The following SLCO1B3 variants were observed in gnomAD, a reference collection of about 807,000 sequenced individuals.
SLCO1B3 encodes solute carrier organic anion transporter family member 1B3, also known as liver-specific organic anion transporter 2.
A neutral mutation model predicts 71.8 loss-of-function variants in SLCO1B3; 72 were observed. That is an observed-to-expected ratio of 1.00 (90% CI 0.83 to 1.22). The LOEUF is 1.22. Among genes scored for constraint, SLCO1B3 ranks in the 50% most tolerant of loss-of-function variants. The pLI is 0.00. For synonymous variants in SLCO1B3, 298 were observed against 278.4 expected, an observed-to-expected ratio of 1.07 and a Z score of -0.70; for missense variants, 911 against 819.7, an observed-to-expected ratio of 1.11 and a Z score of -1.36.
In SLCO1B3 at chr12:20,883,514, A is replaced by G. The variant is rs1291166393; in HGVS notation, c.1594A>G (p.Arg532Gly). Residue 532 changes from arginine to glycine, a missense_variant, in exon 13 of 16, where the codon AGG (arginine) becomes GGG (glycine). Physicochemically the swap from Arg to Gly is moderately radical, Grantham distance 125 (BLOSUM62 -2). Transcript: ENST00000381545. ...ATGCCCAAGAGATAATACTTGTACAAGGAAATTTTTCATCTATGTTGCAAT... is the reference window on the plus strand; with the variant it reads ...ATGCCCAAGAGATAATACTTGTACAGGGAAATTTTTCATCTATGTTGCAAT... Reference protein sequence around the residue: ...GECPRDNTCTRKFFIYVAIQV... With the variant: ...GECPRDNTCTGKFFIYVAIQV... The G allele has an allele frequency of 8.1e-6, 13 of 1,605,600 alleles. No homozygotes were observed. The highest frequency in any genetic ancestry group is 1.1e-5 in the Non-Finnish European group (13 of 1,176,570).
At chr12:20,901,225 A>T (rs543671444) in intron 14 of SLCO1B3, 125 bp from the exon 15 acceptor site, 1 of 680,248 alleles carries the variant, frequency 1.5e-6, no homozygotes, top group African/African-American at 1.8e-5. Flanking sequence ...ATGTAAGCCA[A>T]ACCAATGGAA....
At chr12:20,820,316 G>A (rs1054871245) in intron 3 of SLCO1B3, among the ~76,000 whole-genome samples, 1 of 152,188 alleles carries the variant, frequency 6.6e-6, no homozygotes, top group Non-Finnish European at 1.5e-5. Flanking sequence ...AGAGCCTTGG[G>A]CCAGAGTTCC....
intron 6 of SLCO1B3, 98 bp downstream of exon 6, chr12:20,861,236 C>T (rs550291955): frequency 4.7e-5 from 51 of 1,079,782 alleles, no homozygotes; most frequent in Non-Finnish European, 6.4e-5. Flanking sequence ...GATTTAAGAA[C>T]AAATAGGAAG....
chr12:20,901,330 CTT>C lies in SLCO1B3; in HGVS notation c.1748-16_1748-15del, dbSNP rs1273566878. On this transcript the variant is annotated intron_variant, in intron 14 of 15. Transcript: ENST00000381545. ...TGAAGCATTTCACTTGGATTGATATCTTTTTATCTCATGTTGCAGGAGGAATT... is the reference window on the plus strand; with the variant it reads ...TGAAGCATTTCACTTGGATTGATATCTTTATCTCATGTTGCAGGAGGAATT... 1 of 1,370,264 alleles carries C rather than the reference CTT, an allele frequency of 7.3e-7. No individual in the cohort carries two copies. Among genetic ancestry groups the C allele is most frequent in the East Asian group, 2.4e-5 (1 of 41,510 alleles). The allele number at this position is 1,370,264 out of a possible 1,614,324, so 84.9% of individuals were successfully genotyped here.
chr12:20,911,406 TTTC>T (rs1866372765), intron 15 of SLCO1B3, among the ~76,000 whole-genome samples: 1 of 152,152 alleles, frequency 6.6e-6, no homozygotes, highest in African/African-American at 2.4e-5. Flanking sequence ...GTAGTTTTCT[TTTC>T]TTGTAATGTT....
chr12:20,910,433 AG>A (rs1866349956), intron 15 of SLCO1B3, among the ~76,000 whole-genome samples: 1 of 152,172 alleles, frequency 6.6e-6, no homozygotes, highest in African/African-American at 2.4e-5. Flanking sequence ...TTGGCTATTT[AG>A]CATCTTTTGC....
In SLCO1B3 at chr12:20,865,999, A is replaced by G. The variant is rs549696707; in HGVS notation, c.727+3145A>G. Among the ~76,000 whole-genome samples, 18 of 152,246 alleles carry G rather than the reference A, an allele frequency of 1.2e-4. No homozygotes were observed. In the South Asian group the frequency reaches 3.5e-3, roughly 30 times the overall value. On this transcript the variant is annotated intron_variant, in intron 8 of 15. Transcript: ENST00000381545. ...ATGCCATGTGTCATTCATCATCTCC[A>G]TATGAGTAGTTTTCATCACTCTCCA...
At chr12:20,829,794 A>C (rs1405497481) in intron 3 of SLCO1B3, among the ~76,000 whole-genome samples, 2 of 152,196 alleles carry the variant, frequency 1.3e-5, no homozygotes, top group Non-Finnish European at 2.9e-5. Flanking sequence ...TATGCTAAAC[A>C]AGGGGTGGAT....
chr12:20,856,419 A>G (rs1394627178), intron 4 of SLCO1B3, among the ~76,000 whole-genome samples: 2 of 152,320 alleles, frequency 1.3e-5, no homozygotes, highest in Non-Finnish European at 2.9e-5. Context: ...TATTAATAAA[A>G]ATGATGCGAA....
chr12:20,884,737 G>A (rs1214203058), intron 13 of SLCO1B3, among the ~76,000 whole-genome samples: 5 of 151,636 alleles, frequency 3.3e-5, no homozygotes, highest in Admixed American at 1.3e-4. Context: ...CTAGTTGATC[G>A]GAAGTTCATG....
At chr12:20,850,724 T>A (rs983325674) in intron 3 of SLCO1B3, among the ~76,000 whole-genome samples, 2 of 152,246 alleles carry the variant, frequency 1.3e-5, no homozygotes, top group Non-Finnish European at 2.9e-5. Context: ...GTACTTAATT[T>A]TTTGTTCACA....
chr12:20,899,434 G>T (rs1866082750), intron 14 of SLCO1B3, among the ~76,000 whole-genome samples: 1 of 152,130 alleles, frequency 6.6e-6, no homozygotes, highest in African/African-American at 2.4e-5. Flanking sequence ...TGGGACCCTT[G>T]CAAGGAAAGG....
At chr12:20,836,227 G>A (rs919982322) in intron 3 of SLCO1B3, among the ~76,000 whole-genome samples, 4 of 152,102 alleles carry the variant, frequency 2.6e-5, no homozygotes, top group African/African-American at 9.7e-5. Flanking sequence ...TTTCAGTGGG[G>A]ACGCAGCCAA....
At chr12:20,911,455 T>C (rs923387010) in intron 15 of SLCO1B3, among the ~76,000 whole-genome samples, 4 of 152,144 alleles carry the variant, frequency 2.6e-5, no homozygotes, top group Non-Finnish European at 4.4e-5. Context: ...GCTGACCTCA[T>C]AGGAGACAGG....
At chr12:20,849,457 G>T (rs1294934453) in intron 3 of SLCO1B3, among the ~76,000 whole-genome samples, 2 of 152,012 alleles carry the variant, frequency 1.3e-5, no homozygotes, top group Admixed American at 1.3e-4. Flanking sequence ...ATTTGATATT[G>T]AAAGACTGAA....
At chr12:20,869,080 C>G (rs35757085) in intron 8 of SLCO1B3, among the ~76,000 whole-genome samples, 1 of 152,096 alleles carries the variant, frequency 6.6e-6, no homozygotes, top group Non-Finnish European at 1.5e-5. Flanking sequence ...TAACTGCGGG[C>G]AAGCCTGACT....
intron 3 of SLCO1B3, among the ~76,000 whole-genome samples, chr12:20,821,992 G>T (rs1013866079): frequency 3.3e-5 from 5 of 152,196 alleles, no homozygotes; most frequent in African/African-American, 1.2e-4. Context: ...AAGAGGTTGA[G>T]GGATAGTGAA....
intron 2 of SLCO1B3, among the ~76,000 whole-genome samples, chr12:20,815,159 T>G (rs1245692350): frequency 1.3e-5 from 2 of 152,068 alleles, no homozygotes; most frequent in African/African-American, 4.8e-5. Flanking sequence ...CTTTATCTGC[T>G]TTTTGAGCCT....
At chr12:20,915,681 C>G (rs1866477519) in intron 15 of SLCO1B3, among the ~76,000 whole-genome samples, 1 of 152,144 alleles carries the variant, frequency 6.6e-6, no homozygotes, top group Non-Finnish European at 1.5e-5. Flanking sequence ...GGACTGTGAA[C>G]TTCAAACTTG....
Sources: gnomAD v4.1 joint callset for allele counts (sites outside exome capture counted in the v4.1 genomes callset) on GRCh38, gnomAD v4.1.1 for gene constraint, MANE v1.5 for transcripts, NCBI Gene and HGNC (gene_info 2026-07-23, HGNC 2026-07-21) for gene names.